The following TCF12 variants were observed in gnomAD, a reference collection of about 807,000 sequenced individuals.
TCF12 encodes transcription factor 12, also known as DNA-binding protein HTF4.
Under a neutral mutation model 86.0 loss-of-function variants are expected in TCF12, and 45 were observed. That is an observed-to-expected ratio of 0.52 (90% confidence interval 0.41 to 0.67). The LOEUF (loss-of-function observed/expected upper bound fraction) is 0.67. Among genes scored for constraint, TCF12 ranks in the 30% least tolerant of loss-of-function variants. The pLI is 0.00. For synonymous variants in TCF12, 330 were observed against 299.6 expected, an observed-to-expected ratio of 1.10 and a Z score of -1.05; for missense variants, 881 against 859.9, an observed-to-expected ratio of 1.02 and a Z score of -0.31.
At chr15:56,919,597 G>C (rs1362385725) in intron 1 of TCF12, 1 of 222,248 alleles carries the variant, frequency 4.5e-6, no homozygotes, top group East Asian at 8.1e-5. Flanking sequence ...CGCGGAGCAG[G>C]GGGCGCCGAG....
At chr15:56,929,192 G>A (rs1463104491) in intron 3 of TCF12, among the ~76,000 whole-genome samples, 1 of 152,106 alleles carries the variant, frequency 6.6e-6, no homozygotes, top group Non-Finnish European at 1.5e-5. Flanking sequence ...GGGTGGAATG[G>A]AATGCTGGCC....
chr15:57,109,672 G>T (rs1357480074), intron 5 of TCF12, among the ~76,000 whole-genome samples: 1 of 152,090 alleles, frequency 6.6e-6, no homozygotes, highest in East Asian at 1.9e-4. Flanking sequence ...TGTTGAGATG[G>T]ATACTATTGT....
intron 3 of TCF12, among the ~76,000 whole-genome samples, chr15:57,050,714 T>G (rs896901889): frequency 8.5e-5 from 13 of 152,200 alleles, no homozygotes; most frequent in African/African-American, 1.4e-4. Flanking sequence ...TTTCATTATT[T>G]TTTGTGCTTT....
chr15:57,018,540 G>A (rs1278005170), intron 3 of TCF12, among the ~76,000 whole-genome samples: 1 of 151,810 alleles, frequency 6.6e-6, no homozygotes, highest in African/African-American at 2.4e-5. Flanking sequence ...TCGGCTCACC[G>A]CAACATGTGC....
At chr15:57,114,300 T>G (rs1360129908) in intron 5 of TCF12, among the ~76,000 whole-genome samples, 3 of 152,074 alleles carry the variant, frequency 2.0e-5, no homozygotes, top group African/African-American at 7.2e-5. Flanking sequence ...CCTACTGTAA[T>G]TGTTTGTTGA....
chr15:57,158,043 C>A (rs192208886), intron 5 of TCF12, among the ~76,000 whole-genome samples: 179 of 151,632 alleles, frequency 1.2e-3, no homozygotes, highest in Non-Finnish European at 2.4e-4. Context: ...TATAAACCTT[C>A]TCATCCTCAC....
intron 3 of TCF12, among the ~76,000 whole-genome samples, chr15:56,980,966 A>G (rs1184135561): frequency 6.6e-6 from 1 of 152,252 alleles, no homozygotes; most frequent in Non-Finnish European, 1.5e-5. Flanking sequence ...TTTGACATTT[A>G]TGGAAGATTA....
At chr15:57,131,945 A>C (rs973621413) in intron 5 of TCF12, among the ~76,000 whole-genome samples, 1 of 152,194 alleles carries the variant, frequency 6.6e-6, no homozygotes, top group Non-Finnish European at 1.5e-5. Flanking sequence ...ATGGTGTATA[A>C]TAAACCACCA....
intron 8 of TCF12, among the ~76,000 whole-genome samples, chr15:57,201,152 A>G (rs2057524242): frequency 6.6e-6 from 1 of 152,186 alleles, no homozygotes; most frequent in Non-Finnish European, 1.5e-5. Flanking sequence ...AGATTGGGAA[A>G]AGTGGACTTT....
chr15:57,082,557 A>G (rs891014858), intron 4 of TCF12, among the ~76,000 whole-genome samples: 6 of 152,230 alleles, frequency 3.9e-5, no homozygotes, highest in African/African-American at 1.4e-4. Context: ...ACTAACGGTT[A>G]AGTGAACTGA....
intron 12 of TCF12, 95 bp downstream of exon 12, chr15:57,234,202 A>G: frequency 1.1e-6 from 1 of 934,138 alleles, no homozygotes; most frequent in Non-Finnish European, 1.7e-6. Flanking sequence ...AAGAGTATAG[A>G]TGTAACAAGA....
chr15:57,246,444 G>A (rs1274073620), intron 13 of TCF12, among the ~76,000 whole-genome samples: 2 of 152,118 alleles, frequency 1.3e-5, no homozygotes, highest in Non-Finnish European at 2.9e-5. Flanking sequence ...ATCTTGTGTT[G>A]TGAGGTCCTG....
intron 13 of TCF12, among the ~76,000 whole-genome samples, chr15:57,244,012 G>A: frequency 6.6e-6 from 1 of 152,008 alleles, no homozygotes; most frequent in Non-Finnish European, 1.5e-5. Context: ...CTGAGTAACT[G>A]GGAATACAGG....
At chr15:57,149,925 T>C (rs1395095218) in intron 5 of TCF12, among the ~76,000 whole-genome samples, 1 of 152,180 alleles carries the variant, frequency 6.6e-6, no homozygotes, top group Non-Finnish European at 1.5e-5. Flanking sequence ...AAAGGGTTTC[T>C]AAGAGGTATA....
chr15:56,986,289 A>C (rs755057458), intron 3 of TCF12, among the ~76,000 whole-genome samples: 1 of 152,176 alleles, frequency 6.6e-6, no homozygotes, highest in African/African-American at 2.4e-5. Context: ...TATGTTATCA[A>C]TGTTGACCAA....
chr15:57,011,148 T>C (rs2064807055), intron 3 of TCF12, among the ~76,000 whole-genome samples: 1 of 152,192 alleles, frequency 6.6e-6, no homozygotes, highest in Non-Finnish European at 1.5e-5. Context: ...GATACTAATG[T>C]GGTTTGGGTG....
At chr15:57,180,003 A>G (rs1331462244) in intron 6 of TCF12, among the ~76,000 whole-genome samples, 2 of 152,206 alleles carry the variant, frequency 1.3e-5, no homozygotes, top group Non-Finnish European at 2.9e-5. Context: ...TTGCATCACT[A>G]TCTAATGAGA....
chr15:56,969,455 C>G (rs979617113), intron 3 of TCF12, among the ~76,000 whole-genome samples: 1 of 151,236 alleles, frequency 6.6e-6, no homozygotes, highest in Non-Finnish European at 1.5e-5. Context: ...ACTGGAGGAA[C>G]AGGTTTTGGT....
intron 5 of TCF12, among the ~76,000 whole-genome samples, chr15:57,115,750 C>G (rs1283608577): frequency 6.6e-6 from 1 of 152,072 alleles, no homozygotes; most frequent in East Asian, 1.9e-4. Context: ...CGAGAAAGGT[C>G]AGTCATTTTG....
Sources: gnomAD v4.1 joint callset for allele counts (sites outside exome capture counted in the v4.1 genomes callset) on GRCh38, gnomAD v4.1.1 for gene constraint, MANE v1.5 for transcripts, NCBI Gene and HGNC (gene_info 2026-07-23, HGNC 2026-07-21) for gene names.